FAAH2: variants seen among roughly 807,000 people sequenced by gnomAD.
The protein encoded by FAAH2 is fatty acid amide hydrolase 2, also known as fatty-acid amide hydrolase 2.
FAAH2 carries 60 observed loss-of-function variants against 36.9 expected under a neutral mutation model. The ratio of observed to expected loss-of-function variants is 1.63; its 90% CI spans 1.32 to 2.02. FAAH2 has a LOEUF of 2.02. FAAH2 is among the 30% of genes most tolerant of loss of function. The pLI is 0.00. For missense variants in FAAH2, 689 were observed against 397.5 expected, an observed-to-expected ratio of 1.73 and a Z score of -6.23; for synonymous variants, 214 against 143.8, an observed-to-expected ratio of 1.49 and a Z score of -3.49.
intron 5 of FAAH2, among the ~76,000 whole-genome samples, chrX:57,352,069 C>CGTGT (rs1569283914): frequency 0.024 from 386 of 15,773 alleles, 49 homozygotes; most frequent in Non-Finnish European, 0.039. Flanking sequence ...TATATATACA[C>CGTGT]ATATATATAT....
At chrX:57,169,421 G>A in the FAAH2 span, among the ~76,000 whole-genome samples, 1 of 88,461 alleles carries the variant, frequency 1.1e-5, no homozygotes, top group African/African-American at 3.8e-5. Context: ...TGACTGCTCC[G>A]TTTACTCACT....
the FAAH2 span, among the ~76,000 whole-genome samples, chrX:57,216,556 A>ACG: frequency 6.1e-3 from 323 of 52,756 alleles, 6 homozygotes; most frequent in African/African-American, 0.036. Context: ...ATATGTATAT[A>ACG]TATATATACG....
chrX:57,455,339 C>A (rs1039401079), intron 10 of FAAH2, among the ~76,000 whole-genome samples: 4 of 111,026 alleles, frequency 3.6e-5, no homozygotes, highest in African/African-American at 1.3e-4. Context: ...AACTTGCTAC[C>A]TCAAAAATCC....
chrX:57,350,711 T>G (rs2053977693), intron 5 of FAAH2, among the ~76,000 whole-genome samples: 1 of 110,965 alleles, frequency 9.0e-6, no homozygotes, highest in South Asian at 3.7e-4. Flanking sequence ...AGCTACATTT[T>G]TATAAGATCA....
the FAAH2 span, among the ~76,000 whole-genome samples, chrX:57,131,418 A>G: frequency 8.9e-6 from 1 of 111,754 alleles, no homozygotes; most frequent in Non-Finnish European, 1.9e-5. Context: ...TAGGCACTCT[A>G]ATTCATTCTC....
At chrX:57,253,942 A>G in the FAAH2 span, among the ~76,000 whole-genome samples, 1 of 111,851 alleles carries the variant, frequency 8.9e-6, no homozygotes, top group African/African-American at 3.3e-5. Context: ...TTAAATGTAA[A>G]TAGGCTAAAG....
chrX:57,261,390 T>C, the FAAH2 span, among the ~76,000 whole-genome samples: 1 of 108,092 alleles, frequency 9.3e-6, no homozygotes, highest in Non-Finnish European at 1.9e-5. Context: ...CTGTCTCTAC[T>C]AAAAATACAA....
intron 3 of FAAH2, among the ~76,000 whole-genome samples, chrX:57,312,939 T>A (rs1212543573): frequency 9.0e-6 from 1 of 111,499 alleles, no homozygotes; most frequent in Admixed American, 9.6e-5. Context: ...CAATGAAACT[T>A]ACTGAGATTC....
intron 7 of FAAH2, among the ~76,000 whole-genome samples, chrX:57,382,663 C>A (rs945173713): frequency 9.0e-6 from 1 of 111,671 alleles, no homozygotes; most frequent in African/African-American, 3.3e-5. Flanking sequence ...ATAACAGGCT[C>A]TGAAACTGAG....
At chrX:57,364,689 C>T (rs949456082) in intron 5 of FAAH2, among the ~76,000 whole-genome samples, 1 of 110,174 alleles carries the variant, frequency 9.1e-6, no homozygotes, top group Non-Finnish European at 1.9e-5. Flanking sequence ...TGTAGTTGCT[C>T]AGCACTCTCC....
chrX:57,328,872 G>T (rs1288963225), intron 3 of FAAH2, among the ~76,000 whole-genome samples: 2 of 111,298 alleles, frequency 1.8e-5, no homozygotes, highest in African/African-American at 3.3e-5. Context: ...AACTCTGGGG[G>T]ACTGGTATGA....
chrX:57,179,874 A>T, the FAAH2 span, among the ~76,000 whole-genome samples: 5 of 112,184 alleles, frequency 4.5e-5, no homozygotes, highest in Admixed American at 1.9e-4. Context: ...CAAATATATA[A>T]AAAAAAGCAA....
At chrX:57,457,450 C>T (rs777519866) in intron 10 of FAAH2, among the ~76,000 whole-genome samples, 15 of 106,251 alleles carry the variant, frequency 1.4e-4, no homozygotes, top group African/African-American at 1.7e-4. Context: ...TGCTAGCCAG[C>T]GCAATGAAGA....
chrX:57,172,548 T>C, the FAAH2 span, among the ~76,000 whole-genome samples: 1 of 112,377 alleles, frequency 8.9e-6, no homozygotes, highest in Non-Finnish European at 1.9e-5. Flanking sequence ...CCCACTACCT[T>C]ATCACAAGGG....
intron 7 of FAAH2, 25 bp downstream of exon 7, chrX:57,381,054 G>T: frequency 9.2e-7 from 1 of 1,089,260 alleles, no homozygotes; most frequent in Middle Eastern, 2.5e-4. Flanking sequence ...AATTTGTTTA[G>T]GAATTATTTT....
At chrX:57,304,492 G>A (rs750141109) in intron 2 of FAAH2, among the ~76,000 whole-genome samples, 4 of 111,584 alleles carry the variant, frequency 3.6e-5, no homozygotes, top group Non-Finnish European at 7.5e-5. Flanking sequence ...TCATAAGATG[G>A]CTGCTATGCC....
chrX:57,393,251 T>A lies in FAAH2; in HGVS notation c.996+12222T>A, dbSNP rs2055209691. On this transcript the variant is annotated intron_variant, in intron 7 of 10. Transcript: ENST00000374900. The stretch of plus-strand genomic sequence containing the variant: ...TTTCTTCAAGTTACTGAAGCCTTTT[T>A]CAACCAGCTCCAGGTTCTCCTCTAT... 5.1e-6 allele frequency: 6 copies of A among 1,185,441 alleles called. No homozygotes were observed. The East Asian group carries it at 1.8e-4, about 35-fold the overall frequency.
intron 2 of FAAH2, among the ~76,000 whole-genome samples, chrX:57,296,680 A>G (rs923915369): frequency 9.0e-6 from 1 of 111,676 alleles, no homozygotes; most frequent in Non-Finnish European, 1.9e-5. Context: ...GTTTGAACCC[A>G]TGACAAAGAA....
chrX:57,354,521 G>A (rs2054113377), intron 5 of FAAH2, among the ~76,000 whole-genome samples: 1 of 110,143 alleles, frequency 9.1e-6, no homozygotes, highest in Non-Finnish European at 1.9e-5. Flanking sequence ...GCCCTGATTT[G>A]ACTGTTATGT....
Sources: gnomAD v4.1 joint callset for allele counts (sites outside exome capture counted in the v4.1 genomes callset) on GRCh38, gnomAD v4.1.1 for gene constraint, MANE v1.5 for transcripts, NCBI Gene and HGNC (gene_info 2026-07-23, HGNC 2026-07-21) for gene names.